The following CDH4 variants were observed in gnomAD, a reference collection of about 807,000 sequenced individuals.
The protein encoded by CDH4 is cadherin-4.
CDH4 carries 33 observed loss-of-function variants against 86.0 expected under a neutral mutation model. The observed-to-expected ratio is 0.38, with a 90% CI of 0.29 to 0.51. The LOEUF (loss-of-function observed/expected upper bound fraction) is 0.51. CDH4 is among the 20% of genes least tolerant of loss of function. CDH4 has a pLI of 0.86. For missense variants in CDH4, 1,114 were observed against 1,307.4 expected, an observed-to-expected ratio of 0.85 and a Z score of 2.28; for synonymous variants, 555 against 549.4, an observed-to-expected ratio of 1.01 and a Z score of -0.14.
intron 2 of CDH4, among the ~76,000 whole-genome samples, chr20:61,733,637 G>A (rs1735462384): frequency 6.7e-6 from 1 of 149,988 alleles, no homozygotes; most frequent in Non-Finnish European, 1.5e-5. Flanking sequence ...GTACACGATG[G>A]ATGGATGAAT....
chr20:61,296,510 A>G (rs983216071), intron 2 of CDH4, among the ~76,000 whole-genome samples: 18 of 152,074 alleles, frequency 1.2e-4, no homozygotes, highest in Admixed American at 2.0e-4. Context: ...ATTATGGGCC[A>G]GGAAATACCC....
Position 61,681,363 on chromosome 20 carries a change from G to A in CDH4, c.170-62200G>A, listed in dbSNP as rs1054692177. Among the ~76,000 whole-genome samples the A allele has an allele frequency of 3.3e-5, 5 of 152,090 alleles. No individual in the cohort carries two copies. Among genetic ancestry groups the A allele is most frequent in the East Asian group, 1.9e-4 (1 of 5,192 alleles). ...CTAAATTGTTAAGATTTTCTGCCAC[G>A]CATAAAAATGAGGCTGAAATCACCC... On this transcript the variant is annotated intron_variant, in intron 2 of 15. Transcript: ENST00000614565. This position sits in a 1 kb window ranked among gnomAD's most constrained non-coding sequence, Gnocchi z 4.5.
At chr20:61,488,577 C>G (rs1406484406) in intron 2 of CDH4, among the ~76,000 whole-genome samples, 1 of 152,068 alleles carries the variant, frequency 6.6e-6, no homozygotes, top group Non-Finnish European at 1.5e-5. Context: ...GAAGTATGTA[C>G]TCTATAAAAA....
At chr20:61,797,083 GCC>G (rs10541512) in intron 4 of CDH4, among the ~76,000 whole-genome samples, 54,640 of 148,108 alleles carry the variant, frequency 0.37, 10,982 homozygotes, top group African/African-American at 0.54. Flanking sequence ...GACAGGAAGA[GCC>G]CCCCCCCCCC....
chr20:61,743,695 C>T lies in CDH4; in HGVS notation c.302C>T (p.Thr101Met), dbSNP rs749580573. The T allele has an allele frequency of 9.3e-6, 15 of 1,609,410 alleles. No individual in the cohort carries two copies. The highest frequency in any genetic ancestry group is 5.6e-5 in the South Asian group (5 of 89,892). Residue 101 changes from threonine (T) to methionine (M), a missense_variant, in exon 3 of 16, where the codon ACG becomes ATG. Physicochemically the swap from Thr to Met is moderately conservative, Grantham distance 81. Transcript: ENST00000614565. ...GTCCCCTCCGAGCAGGTGGCGTTCA[C>T]GGTGACTGCATGGGACAGCCAGACA... ...LQVPSEQVAFTVTAWDSQTAE... is the reference protein window; with the variant it reads ...LQVPSEQVAFMVTAWDSQTAE...
At chr20:61,654,528 T>C (rs954960728) in intron 2 of CDH4, among the ~76,000 whole-genome samples, 5 of 152,234 alleles carry the variant, frequency 3.3e-5, no homozygotes, top group Non-Finnish European at 7.3e-5. Flanking sequence ...AGCAATATAA[T>C]CTTCAAAACA....
chr20:61,462,359 A>T (rs1200475027), intron 2 of CDH4, among the ~76,000 whole-genome samples: 1 of 152,194 alleles, frequency 6.6e-6, no homozygotes, highest in Non-Finnish European at 1.5e-5. Context: ...TCCATGGGGA[A>T]GAATTAGTCA....
chr20:61,452,055 C>T (rs1483488187), intron 2 of CDH4, among the ~76,000 whole-genome samples: 1 of 152,226 alleles, frequency 6.6e-6, no homozygotes, highest in Non-Finnish European at 1.5e-5. Context: ...GAACCTGGAG[C>T]ATTCGCGCTT....
intron 2 of CDH4, among the ~76,000 whole-genome samples, chr20:61,283,934 T>G (rs1188618605): frequency 1.3e-5 from 2 of 152,126 alleles, no homozygotes; most frequent in African/African-American, 4.8e-5. Context: ...TGGACGTGCT[T>G]CCCAAGTGGA....
At chr20:61,673,638 T>C (rs944257) in intron 2 of CDH4, among the ~76,000 whole-genome samples, 93,638 of 152,110 alleles carry the variant, frequency 0.62, 29,148 homozygotes, top group African/African-American at 0.69. Context: ...CCATCCTTCC[T>C]GGGTGACCAG....
chr20:61,524,399 G>A (rs949668758), intron 2 of CDH4, among the ~76,000 whole-genome samples: 1 of 152,144 alleles, frequency 6.6e-6, no homozygotes, highest in Non-Finnish European at 1.5e-5. Flanking sequence ...CGTGGGCTTG[G>A]GTCATGATGC....
chr20:61,427,166 A>G (rs2085219576), intron 2 of CDH4, among the ~76,000 whole-genome samples: 1 of 152,238 alleles, frequency 6.6e-6, no homozygotes, highest in African/African-American at 2.4e-5. Flanking sequence ...GCATTTGCAG[A>G]GACCGTTGAG....
chr20:61,357,331 G>A (rs573259363), intron 2 of CDH4, among the ~76,000 whole-genome samples: 6 of 152,152 alleles, frequency 3.9e-5, no homozygotes, highest in Non-Finnish European at 5.9e-5. Flanking sequence ...GAGGAGGACC[G>A]GCTGGTCCAC....
chr20:61,820,662 C>T (rs1439314417), intron 4 of CDH4, among the ~76,000 whole-genome samples: 6 of 152,238 alleles, frequency 3.9e-5, no homozygotes, highest in Admixed American at 3.9e-4. Context: ...CCCCCCATCC[C>T]TCTTGTGTTC....
chr20:61,823,040 T>C (rs1601024796), intron 4 of CDH4, among the ~76,000 whole-genome samples: 1 of 152,294 alleles, frequency 6.6e-6, no homozygotes, highest in East Asian at 1.9e-4. Flanking sequence ...TGGAGGCTGG[T>C]AAGTCCTAAG....
intron 2 of CDH4, among the ~76,000 whole-genome samples, chr20:61,400,449 G>A (rs1462663509): frequency 1.3e-5 from 2 of 152,200 alleles, no homozygotes; most frequent in African/African-American, 4.8e-5. Context: ...CCTCCTTGCA[G>A]CCTAGATGAT....
At chr20:61,593,835 A>G (rs963162395) in intron 2 of CDH4, among the ~76,000 whole-genome samples, 13 of 151,460 alleles carry the variant, frequency 8.6e-5, no homozygotes, top group Middle Eastern at 3.4e-3. Context: ...ATGCAGCTGT[A>G]ACATTCGTTG....
At position 61,479,156 on chromosome 20, in the gene CDH4, T is replaced by C. The variant is rs992062983; in HGVS notation, c.169+224219T>C. ...TCTCCTGGCTGCGTTTAAGATTTTC[T>C]CTTGATCACTGGTTTTTTGTTTTTT... On this transcript the variant is annotated intron_variant, in intron 2 of 15. Coordinates refer to ENST00000614565, the MANE Select transcript of CDH4 (RefSeq NM_001794.5). Among the ~76,000 whole-genome samples the C allele has an allele frequency of 4.1e-4, 62 of 150,248 alleles. 1 individual carries two copies. Among genetic ancestry groups the C allele is most frequent in the African/African-American group, 1.5e-3 (60 of 40,618 alleles).
chr20:61,331,722 T>TACCCCAGACCCACCTCCTGCCCCG (rs1374745319), intron 2 of CDH4, among the ~76,000 whole-genome samples: 17 of 129,390 alleles, frequency 1.3e-4, no homozygotes, highest in South Asian at 5.4e-4. Flanking sequence ...CCCGACCACC[T>TACCCCAGACCCACCTCCTGCCCCG]GACAGAAATG....
Sources: allele counts gnomAD v4.1 joint callset (sites outside exome capture counted in the v4.1 genomes callset), GRCh38; gene constraint gnomAD v4.1.1; non-coding constraint Gnocchi (gnomAD v3.1); transcripts MANE v1.5; gene names NCBI Gene and HGNC (gene_info 2026-07-23, HGNC 2026-07-21).